Variants in WDR70 observed in about 807,000 individuals in gnomAD.
WDR70 encodes WD repeat domain 70.
WDR70 carries 53 observed loss-of-function variants against 88.6 expected under a neutral mutation model. The ratio of observed to expected loss-of-function variants is 0.60; its 90% CI spans 0.48 to 0.75. WDR70 has a LOEUF of 0.75. Ranked by LOEUF, WDR70 falls within the 30% of genes least tolerant of loss-of-function variation. The pLI is 0.00. For synonymous variants in WDR70, 280 were observed against 270.0 expected (o/e 1.04, Z -0.36); for missense variants, 610 against 823.2 (o/e 0.74, Z 3.17).
At chr5:37,570,406 A>G (rs1742868028) in intron 9 of WDR70, among the ~76,000 whole-genome samples, 1 of 152,124 alleles carries the variant, frequency 6.6e-6, no homozygotes, top group South Asian at 2.1e-4. Flanking sequence ...GAAGATAGCT[A>G]GTTTTTTGCC....
chr5:37,392,044 A>G lies in WDR70; in HGVS notation c.220A>G (p.Arg74Gly). 6.2e-7 allele frequency: 1 copy of G among 1,612,628 alleles called. No homozygotes were observed. The highest frequency in any genetic ancestry group is 1.3e-5 in the African/African-American group (1 of 74,958). Reference protein sequence around the residue: ...EEEMNREKELRRQNEDIEPTS... With the variant: ...EEEMNREKELGRQNEDIEPTS... ...AGAAATGAACAGAGAGAAAGAATTA[A>G]GAAGACAAAATGAAGATATTGAGCC... is the stretch of plus-strand genomic sequence containing the variant. Residue 74 changes from arginine (R) to glycine (G), a missense_variant, in exon 4 of 18, where the codon AGA becomes GGA. Transcript: ENST00000265107.
intron 10 of WDR70, among the ~76,000 whole-genome samples, chr5:37,684,445 G>A (rs1013790250): frequency 1.9e-4 from 29 of 152,174 alleles, no homozygotes; most frequent in African/African-American, 6.8e-4. Context: ...TTCAGTCTTT[G>A]AAGTTGCTGT....
intron 10 of WDR70, among the ~76,000 whole-genome samples, chr5:37,638,464 A>G (rs1050684962): frequency 5.9e-5 from 9 of 152,290 alleles, no homozygotes; most frequent in Admixed American, 5.9e-4. Context: ...AGGAGGACCA[A>G]ATGCATACAT....
chr5:37,598,568 A>G (rs1387708318), intron 9 of WDR70, among the ~76,000 whole-genome samples: 1 of 152,236 alleles, frequency 6.6e-6, no homozygotes, highest in African/African-American at 2.4e-5. Context: ...AGATTGAGAC[A>G]GTTTTCACAA....
At chr5:37,490,435 G>C (rs1431167581) in intron 8 of WDR70, among the ~76,000 whole-genome samples, 3 of 152,118 alleles carry the variant, frequency 2.0e-5, no homozygotes, top group Non-Finnish European at 2.9e-5. Context: ...ATCCCAGGCA[G>C]ATACATCTCA....
chr5:37,430,580 A>T (rs562124365), intron 5 of WDR70, among the ~76,000 whole-genome samples: 10 of 150,464 alleles, frequency 6.6e-5, no homozygotes, highest in South Asian at 2.1e-4. Flanking sequence ...CTTTTTTTTG[A>T]TACGGAGTCT....
chr5:37,400,078 A>G (rs1463056914), intron 5 of WDR70, among the ~76,000 whole-genome samples: 2 of 152,004 alleles, frequency 1.3e-5, no homozygotes, highest in Non-Finnish European at 2.9e-5. Flanking sequence ...GATTACAGGC[A>G]TCTGCCACCA....
chr5:37,572,573 C>T (rs1423823886), intron 9 of WDR70, among the ~76,000 whole-genome samples: 4 of 152,134 alleles, frequency 2.6e-5, no homozygotes, highest in Non-Finnish European at 4.4e-5. Context: ...CAAGCAACCT[C>T]CTGTCATCCA....
chr5:37,487,613 A>T (rs1739916465), intron 8 of WDR70, among the ~76,000 whole-genome samples: 2 of 42,388 alleles, frequency 4.7e-5, no homozygotes, highest in African/African-American at 9.7e-5. Flanking sequence ...ATATATATAT[A>T]TATATATATA....
intron 8 of WDR70, among the ~76,000 whole-genome samples, chr5:37,481,898 C>T (rs1304470010): frequency 6.6e-6 from 1 of 152,170 alleles, no homozygotes; most frequent in Non-Finnish European, 1.5e-5. Context: ...CAAAGTTCCA[C>T]AGATCTCTAG....
Position 37,497,946 on chromosome 5 carries a change from C to T in WDR70, c.840+17959C>T, listed in dbSNP as rs73072296. Among the ~76,000 whole-genome samples, 1,119 of 152,222 alleles carry T rather than the reference C, an allele frequency of 7.4e-3. 17 individuals are homozygous for T. The highest frequency in any genetic ancestry group is 0.025 in the African/African-American group (1,052 of 41,510). ...AAGTGATTCTCATGCTTCGGCCTCCCGAGTAGCTGGGATTATAAGCGTGCT... is the reference window on the plus strand; with the variant it reads ...AAGTGATTCTCATGCTTCGGCCTCCTGAGTAGCTGGGATTATAAGCGTGCT... On this transcript the variant is annotated intron_variant, in intron 8 of 17. Coordinates refer to ENST00000265107, the MANE Select transcript of WDR70 (RefSeq NM_018034.4).
At chr5:37,678,728 A>G (rs1412843392) in intron 10 of WDR70, among the ~76,000 whole-genome samples, 1 of 152,088 alleles carries the variant, frequency 6.6e-6, no homozygotes, top group Non-Finnish European at 1.5e-5. Context: ...GCTCTTCTCG[A>G]GGAGTATTTT....
At chr5:37,600,384 G>A (rs572262662) in intron 9 of WDR70, among the ~76,000 whole-genome samples, 16 of 152,014 alleles carry the variant, frequency 1.1e-4, no homozygotes, top group South Asian at 1.0e-3. Context: ...AAAATTAGCC[G>A]GCCGTGGTGG....
At chr5:37,696,051 C>T (rs1037240880) in intron 10 of WDR70, among the ~76,000 whole-genome samples, 2 of 152,136 alleles carry the variant, frequency 1.3e-5, no homozygotes, top group African/African-American at 4.8e-5. Flanking sequence ...CTGTATTTCC[C>T]CATTGTAGCA....
At chr5:37,548,664 A>G (rs538780396) in intron 9 of WDR70, among the ~76,000 whole-genome samples, 1 of 152,084 alleles carries the variant, frequency 6.6e-6, no homozygotes, top group African/African-American at 2.4e-5. Flanking sequence ...CCATTTCTTC[A>G]TTTTTGATTT....
intron 17 of WDR70, among the ~76,000 whole-genome samples, chr5:37,744,117 G>A (rs1468954343): frequency 1.3e-5 from 2 of 152,130 alleles, no homozygotes; most frequent in Non-Finnish European, 2.9e-5. Flanking sequence ...CTCCAGGCAT[G>A]GGAGCGAATC....
chr5:37,434,268 C>T (rs1750402114), intron 5 of WDR70, among the ~76,000 whole-genome samples: 1 of 152,196 alleles, frequency 6.6e-6, no homozygotes, highest in Admixed American at 6.5e-5. Context: ...GATCCAGTTA[C>T]CTCCACCTGG....
At chr5:37,752,193 ATG>A (rs1346739775) in intron 17 of WDR70, among the ~76,000 whole-genome samples, 1 of 152,116 alleles carries the variant, frequency 6.6e-6, no homozygotes, top group African/African-American at 2.4e-5. Flanking sequence ...GGTGGTTAGG[ATG>A]GGTGAAGTTC....
chr5:37,449,973 C>T (rs1738626725), intron 7 of WDR70, among the ~76,000 whole-genome samples: 2 of 152,158 alleles, frequency 1.3e-5, no homozygotes, highest in Non-Finnish European at 2.9e-5. Flanking sequence ...GTTCAGCTCC[C>T]ACTTATGAGT....
Sources: gnomAD v4.1 joint callset for allele counts (sites outside exome capture counted in the v4.1 genomes callset) on GRCh38, gnomAD v4.1.1 for gene constraint, MANE v1.5 for transcripts, NCBI Gene and HGNC (gene_info 2026-07-23, HGNC 2026-07-21) for gene names.